Variants in INPP1 observed in about 807,000 individuals in gnomAD.
The protein encoded by INPP1 is inositol polyphosphate 1-phosphatase.
INPP1 carries 18 observed loss-of-function variants against 23.0 expected under a neutral mutation model. The observed-to-expected ratio is 0.78, with a 90% CI of 0.54 to 1.16. INPP1 has a LOEUF of 1.16. Among genes scored for constraint, INPP1 ranks in the 50% most tolerant of loss-of-function variants. The pLI is 0.00. For missense variants in INPP1, 448 were observed against 482.1 expected, an observed-to-expected ratio of 0.93 and a Z score of 0.66; for synonymous variants, 164 against 176.3, an observed-to-expected ratio of 0.93 and a Z score of 0.55.
At chr2:190,351,861 T>C (rs1689329817) in intron 2 of INPP1, among the ~76,000 whole-genome samples, 1 of 152,236 alleles carries the variant, frequency 6.6e-6, no homozygotes. Flanking sequence ...ATTATACTTA[T>C]AGTCAACAAA....
rs1689585002 is a variant in INPP1 at position 190,363,935 on chromosome 2, CA to C, written c.265+1249del. Reference sequence around the variant, plus strand: ...GTGATGATGATATTGCAGGCAAGACCAGATCATAGGAAGGGATTTAGATTTC... The same window carrying C: ...GTGATGATGATATTGCAGGCAAGACCGATCATAGGAAGGGATTTAGATTTC... On this transcript the variant is annotated intron_variant, in intron 4 of 6. Coordinates refer to ENST00000392329, the MANE Select transcript of INPP1 (RefSeq NM_001128928.2). The surrounding 1 kb of genome is among the most constrained non-coding windows in gnomAD (Gnocchi z 4.4). Among the ~76,000 whole-genome samples, 1 of 151,986 alleles carries C rather than the reference CA, an allele frequency of 6.6e-6. No individual in the cohort carries two copies. Among genetic ancestry groups the C allele is most frequent in the African/African-American group, 2.4e-5 (1 of 41,364 alleles).
intron 2 of INPP1, among the ~76,000 whole-genome samples, chr2:190,357,605 C>T (rs2067393): frequency 6.6e-6 from 1 of 152,036 alleles, no homozygotes; most frequent in South Asian, 2.1e-4. Flanking sequence ...ACCAATATTT[C>T]AGATTATTTT....
intron 2 of INPP1, among the ~76,000 whole-genome samples, chr2:190,359,028 A>C (rs1689480484): frequency 6.6e-6 from 1 of 152,142 alleles, no homozygotes; most frequent in African/African-American, 2.4e-5. Flanking sequence ...GGCTGGGCGC[A>C]GTGGCTCACA....
chr2:190,362,337 T>C (rs895939276), intron 3 of INPP1, among the ~76,000 whole-genome samples: 3 of 152,176 alleles, frequency 2.0e-5, no homozygotes, highest in Admixed American at 6.5e-5. Flanking sequence ...AGTAGAAGGA[T>C]GAAGTTTCTA....
intron 1 of INPP1, 88 bp downstream of exon 1, chr2:190,344,049 C>T (rs1689168420): frequency 9.2e-6 from 3 of 326,360 alleles, no homozygotes; most frequent in Non-Finnish European, 1.3e-5. Context: ...GGCTGGTGAG[C>T]GGCGCGCGCC....
Position 190,360,019 on chromosome 2 carries a change from A to G in INPP1, c.-64-20A>G. ...CACTCTCTGAACTGCTTTCTCTTTC[A>G]CATTCTTGTATTTTTCCAGCTGACG... On this transcript the variant is annotated intron_variant, in intron 2 of 6. Transcript: ENST00000392329. The G allele has an allele frequency of 7.2e-7, 1 of 1,395,346 alleles. No homozygotes were observed. The highest frequency in any genetic ancestry group is 1.2e-5 in the South Asian group (1 of 83,538). The allele number at this position is 1,395,346 out of a possible 1,614,324, so 86.4% of individuals were successfully genotyped here. A position where few individuals can be genotyped will look rare whatever the true frequency, so the allele number is the denominator to read the frequency against.
rs1319584657 is a variant in INPP1 at position 190,366,714 on chromosome 2, G to C, written c.285G>C (p.Arg95Ser). 1.4e-5 allele frequency: 23 copies of C among 1,612,606 alleles called. No homozygotes were observed. Among genetic ancestry groups the C allele is most frequent in the Non-Finnish European group, 2.0e-5 (23 of 1,178,752 alleles). Residue 95 changes from arginine (R) to serine (S), a missense_variant, in exon 5 of 7, where the codon AGG becomes AGC. Transcript: ENST00000392329. ...TNDWGEKITL[R>S]LCSTEEETAE... ...CCCTAGGGGAAAAGATTACCTTGAG[G>C]TTGTGTTCAACAGAGGAGGAAACAG...
chr2:190,348,007 G>A (rs192777259), intron 1 of INPP1, among the ~76,000 whole-genome samples: 10 of 152,284 alleles, frequency 6.6e-5, no homozygotes, highest in East Asian at 5.8e-4. Flanking sequence ...GTGTGGTAGC[G>A]CGTGCCTGTA....
rs1246800021 is a variant in INPP1, at chr2:190,369,273, C to G, written c.637C>G (p.Leu213Val). The G allele has an allele frequency of 6.4e-7, 1 of 1,569,960 alleles. No individual in the cohort carries two copies. Among genetic ancestry groups the G allele is most frequent in the Non-Finnish European group, 8.7e-7 (1 of 1,149,542 alleles). The change falls in exon 6 of 7, where the codon CTC (leucine) becomes GTC (valine). Residue 213 changes from leucine to valine, a missense_variant. Transcript: ENST00000392329. ...QPFVSRDPNT[L>V]RWKGQCYWGL... The stretch of plus-strand genomic sequence containing the variant: ...TTTTGTGTCACGAGATCCAAACACC[C>G]TCAGGTAAAAGGCAAATATTTTTGG...
rs187685208 is a variant in INPP1, at chr2:190,346,531, T to G, written c.-208-2357T>G. Among the ~76,000 whole-genome samples, 993 of 152,328 alleles carry G rather than the reference T, an allele frequency of 6.5e-3. 9 individuals carry two copies. The highest frequency in any genetic ancestry group is 0.023 in the African/African-American group (942 of 41,560). On this transcript the variant is annotated intron_variant, in intron 1 of 6. Transcript: ENST00000392329. This position sits in a 1 kb window ranked among gnomAD's most constrained non-coding sequence, Gnocchi z 5.1. ...AATTTCTTGAATGTGATAAGAGCATTTTATTAATGGATGACTAATGCAGAT... is the reference window on the plus strand; with the variant it reads ...AATTTCTTGAATGTGATAAGAGCATGTTATTAATGGATGACTAATGCAGAT...
Position 190,363,496 on chromosome 2 carries a change from A to G in INPP1, c.265+809A>G, listed in dbSNP as rs1219425007. Reference sequence around the variant, plus strand: ...TAATCTGATTTCTTTCAGAGAAACAATTTTTTTTTTTAGTTTGTTTGGATT... The same window carrying G: ...TAATCTGATTTCTTTCAGAGAAACAGTTTTTTTTTTTAGTTTGTTTGGATT... On this transcript the variant is annotated intron_variant, in intron 4 of 6. Transcript: ENST00000392329. This position sits in a 1 kb window ranked among gnomAD's most constrained non-coding sequence, Gnocchi z 4.4. Among the ~76,000 whole-genome samples, 1 of 149,162 alleles carries G rather than the reference A, an allele frequency of 6.7e-6. No homozygotes were observed. Among genetic ancestry groups the G allele is most frequent in the Non-Finnish European group, 1.5e-5 (1 of 67,020 alleles).
intron 2 of INPP1, among the ~76,000 whole-genome samples, chr2:190,358,422 T>C (rs1257590708): frequency 6.6e-6 from 1 of 152,208 alleles, no homozygotes; most frequent in Non-Finnish European, 1.5e-5. Flanking sequence ...TTCACCATGT[T>C]AGCCAGGCTG....
At chr2:190,348,542 A>T (rs953557761) in intron 1 of INPP1, among the ~76,000 whole-genome samples, 3 of 152,098 alleles carry the variant, frequency 2.0e-5, no homozygotes, top group African/African-American at 7.2e-5. Flanking sequence ...TTAAACAATG[A>T]CTCTACCCTC....
Position 190,371,332 on chromosome 2 carries a change from C to T in INPP1, c.1130C>T (p.Ser377Phe), listed in dbSNP as rs1390837946. 7 of 1,576,352 alleles carry T rather than the reference C, an allele frequency of 4.4e-6. No individual in the cohort carries two copies. The highest frequency in any genetic ancestry group is 6.0e-6 in the Non-Finnish European group (7 of 1,160,332). Residue 377 changes from serine (S) to phenylalanine (F), a missense_variant, in exon 7 of 7, where the codon TCC becomes TTC. Coordinates refer to ENST00000392329, the MANE Select transcript of INPP1 (RefSeq NM_001128928.2). The surrounding 1 kb of genome is among the most constrained non-coding windows in gnomAD (Gnocchi z 5.3). ...AAGGGAGGACTCATTGCATACAGAT[C>T]CAGGAAGCGGCTGGAGACATTCCTG... ...ANKGGLIAYR[S>F]RKRLETFLSL...
rs1057055796 is a variant in INPP1, at chr2:190,355,140, G to T, written c.-64-4899G>T. On this transcript the variant is annotated intron_variant, in intron 2 of 6. Coordinates refer to ENST00000392329, the MANE Select transcript of INPP1 (RefSeq NM_001128928.2). The surrounding 1 kb of genome is among the most constrained non-coding windows in gnomAD (Gnocchi z 5.1). ...TTGAATCTTGTCCCACAACTTCCTA[G>T]CTCTGTGATTTTCAGTAAACAATCT... Among the ~76,000 whole-genome samples the T allele has an allele frequency of 9.9e-5, 15 of 152,050 alleles. No individual in the cohort carries two copies. The highest frequency in any genetic ancestry group is 4.4e-5 in the Non-Finnish European group (3 of 68,012).
At position 190,366,766 on chromosome 2, in the gene INPP1, G is replaced by C. The variant is rs1288739228; in HGVS notation, c.337G>C (p.Gly113Arg). The change falls in exon 5 of 7, where the codon GGT (glycine) becomes CGT (arginine). Residue 113 changes from glycine (G) to arginine (R), a missense_variant. Physicochemically the swap from Gly to Arg is moderately radical, Grantham distance 125. Transcript: ENST00000392329. Reference protein sequence around the residue: ...TAELLSKVLNGNKVASEALAR... With the variant: ...TAELLSKVLNRNKVASEALAR... ...AGAGCTTCTTAGCAAAGTCCTCAAT[G>C]GTAACAAGGTGGCATCTGAAGCATT... The C allele has an allele frequency of 1.9e-6, 3 of 1,613,448 alleles. No individual in the cohort carries two copies. The South Asian group carries it at 3.3e-5, about 18-fold the overall frequency.
At chr2:190,366,180 G>GCCCT (rs1689658515) in intron 4 of INPP1, among the ~76,000 whole-genome samples, 1 of 138,996 alleles carries the variant, frequency 7.2e-6, no homozygotes, top group Admixed American at 6.9e-5. Context: ...TTTGTCTCTT[G>GCCCT]CTCTCTGTCT....
At chr2:190,359,350 T>C (rs939914842) in intron 2 of INPP1, among the ~76,000 whole-genome samples, 7 of 151,448 alleles carry the variant, frequency 4.6e-5, no homozygotes, top group Non-Finnish European at 8.8e-5. Flanking sequence ...CTTAGTACTT[T>C]AGAAAAGTTG....
rs143294678 is a variant in INPP1 at position 190,355,941 on chromosome 2, A to T, written c.-64-4098A>T. ...TAGAATAAAAGTTGAAAAAATAAAT[A>T]AATTAATTAAAAAATCATCTGAAAG... On this transcript the variant is annotated intron_variant, in intron 2 of 6. Transcript: ENST00000392329. The surrounding 1 kb of genome is among the most constrained non-coding windows in gnomAD (Gnocchi z 5.1). 1.4e-3 allele frequency among the ~76,000 whole-genome samples: 209 copies of T among 151,748 alleles called. No homozygotes were observed. Among genetic ancestry groups the T allele is most frequent in the African/African-American group, 3.3e-3 (137 of 41,158 alleles).
Sources: allele counts gnomAD v4.1 joint callset (sites outside exome capture counted in the v4.1 genomes callset), GRCh38; gene constraint gnomAD v4.1.1; non-coding constraint Gnocchi (gnomAD v3.1); transcripts MANE v1.5; gene names NCBI Gene and HGNC (gene_info 2026-07-23, HGNC 2026-07-21).